Variants in ANKFN1 observed in about 807,000 individuals in gnomAD.
ANKFN1 encodes the protein ankyrin repeat and fibronectin type III domain containing 1, also known as ankyrin repeat and fibronectin type-III domain-containing protein 1.
In ANKFN1, 74 loss-of-function variants were observed where a neutral mutation model predicts 108.7. The observed-to-expected ratio is 0.68, with a 90% confidence interval of 0.56 to 0.83. ANKFN1 has a LOEUF of 0.83. Ranked by LOEUF, ANKFN1 falls within the 40% of genes least tolerant of loss-of-function variation. The probability of loss-of-function intolerance (pLI) is 0.00; values close to 1 mark genes in which losing one functional copy is unlikely to be tolerated. For missense variants in ANKFN1, 1,505 were observed against 1,382.3 expected (o/e 1.09, Z -1.41); for synonymous variants, 547 against 516.2 (o/e 1.06, Z -0.81).
intron 3 of ANKFN1, among the ~76,000 whole-genome samples, chr17:56,306,863 C>G (rs1195531227): frequency 6.6e-6 from 1 of 152,184 alleles, no homozygotes; most frequent in African/African-American, 2.4e-5. Flanking sequence ...CAGCATGGTA[C>G]TGGTACCAAA....
intron 3 of ANKFN1, among the ~76,000 whole-genome samples, chr17:56,303,809 C>T (rs532061180): frequency 2.0e-5 from 3 of 151,268 alleles, no homozygotes; most frequent in Non-Finnish European, 4.4e-5. Context: ...CTCAGCCTCC[C>T]GAGTAGCTGG....
intron 4 of ANKFN1, among the ~76,000 whole-genome samples, chr17:56,066,055 C>G (rs1905054501): frequency 6.6e-6 from 1 of 152,166 alleles, no homozygotes; most frequent in Admixed American, 6.5e-5. Flanking sequence ...AGAACAAAGG[C>G]CAGAACAGCA....
At position 56,493,802 on chromosome 17, in the gene ANKFN1, G is replaced by A. The variant is rs2051114014; in HGVS notation, c.2427+1449G>A. Among the ~76,000 whole-genome samples, 4 of 152,082 alleles carry A rather than the reference G, an allele frequency of 2.6e-5. No individual in the cohort carries two copies. In the South Asian group the frequency reaches 8.3e-4, roughly 31 times the overall value. On this transcript the variant is annotated intron_variant, in intron 19 of 20. Coordinates refer to ENST00000682825, the MANE Select transcript of ANKFN1 (RefSeq NM_001370326.1). ...CAAATAAGGATTTGAGAAGACTAAA[G>A]GCAGAGAAACCAAATAAGAAGCTAT...
At chr17:56,188,593 A>ATG in intron 1 of ANKFN1, among the ~76,000 whole-genome samples, 1 of 121,832 alleles carries the variant, frequency 8.2e-6, no homozygotes, top group South Asian at 2.4e-4. Context: ...ATATATATAT[A>ATG]TATATATATA....
intron 14 of ANKFN1, 31 bp from the exon 15 acceptor site, chr17:56,466,325 T>A (rs2050071247): frequency 6.4e-7 from 1 of 1,574,510 alleles, no homozygotes; most frequent in African/African-American, 1.3e-5. Context: ...CATAATACCC[T>A]CTATGCTACC....
chr17:56,341,500 A>G (rs1207172504), intron 4 of ANKFN1, among the ~76,000 whole-genome samples: 2 of 152,044 alleles, frequency 1.3e-5, no homozygotes, highest in South Asian at 2.1e-4. Flanking sequence ...GTTTATTGAG[A>G]GTTGTTAACA....
chr17:56,296,053 A>C (rs1274711759), intron 3 of ANKFN1, among the ~76,000 whole-genome samples: 1 of 151,918 alleles, frequency 6.6e-6, no homozygotes, highest in Non-Finnish European at 1.5e-5. Flanking sequence ...TATGTACTAA[A>C]TTATGGATTT....
At chr17:56,383,208 A>G (rs2047157877) in intron 8 of ANKFN1, among the ~76,000 whole-genome samples, 1 of 152,198 alleles carries the variant, frequency 6.6e-6, no homozygotes, top group African/African-American at 2.4e-5. Context: ...TGGAAACCGA[A>G]CAACCTGCTC....
intron 8 of ANKFN1, among the ~76,000 whole-genome samples, chr17:56,395,884 C>G (rs1158396221): frequency 6.6e-6 from 1 of 152,028 alleles, no homozygotes; most frequent in Non-Finnish European, 1.5e-5. Flanking sequence ...AGCATGATTC[C>G]CTTCCCTGGA....
chr17:56,316,672 G>C (rs982951258), intron 3 of ANKFN1, among the ~76,000 whole-genome samples: 1 of 152,124 alleles, frequency 6.6e-6, no homozygotes, highest in Non-Finnish European at 1.5e-5. Context: ...ATCTCATTTT[G>C]ACTGGCACTC....
chr17:56,150,864 T>C (rs1174616057), upstream of ANKFN1, among the ~76,000 whole-genome samples: 1 of 151,708 alleles, frequency 6.6e-6, no homozygotes, highest in African/African-American at 2.4e-5. Context: ...TGAGTCAATA[T>C]TGGCAAAGGA....
intron 18 of ANKFN1, among the ~76,000 whole-genome samples, chr17:56,484,525 G>A (rs1050084468): frequency 1.3e-5 from 2 of 152,156 alleles, no homozygotes; most frequent in Non-Finnish European, 2.9e-5. Flanking sequence ...AAGGAAATCA[G>A]AGGGGAAAAA....
intron 4 of ANKFN1, among the ~76,000 whole-genome samples, chr17:56,074,869 C>G (rs2143147874): frequency 1.3e-5 from 2 of 152,268 alleles, no homozygotes; most frequent in African/African-American, 4.8e-5. Flanking sequence ...AAGGGAGAGT[C>G]AGAGCGGAGC....
At chr17:56,466,958 T>A (rs535703899) in intron 15 of ANKFN1, among the ~76,000 whole-genome samples, 26 of 151,478 alleles carry the variant, frequency 1.7e-4, no homozygotes, top group Non-Finnish European at 2.8e-4. Context: ...TACAAAAAAA[T>A]AAATAAATAA....
At chr17:56,413,868 G>A (rs1434739201) in intron 8 of ANKFN1, among the ~76,000 whole-genome samples, 1 of 151,544 alleles carries the variant, frequency 6.6e-6, no homozygotes, top group Non-Finnish European at 1.5e-5. Context: ...TACAGAGATG[G>A]GGTTTCTCCA....
chr17:56,445,283 G>C (rs1227191023), intron 10 of ANKFN1, among the ~76,000 whole-genome samples: 2 of 152,142 alleles, frequency 1.3e-5, no homozygotes, highest in Non-Finnish European at 2.9e-5. Context: ...TGCAAGTTCT[G>C]ATCTGCATAT....
chr17:56,374,744 T>C, intron 8 of ANKFN1, 30 bp downstream of exon 8: 1 of 1,532,800 alleles, frequency 6.5e-7, no homozygotes, highest in Non-Finnish European at 9.0e-7. Flanking sequence ...TTTTCATCAC[T>C]CCTTCTTAAA....
chr17:56,095,608 C>T (rs1024273101), intron 4 of ANKFN1, among the ~76,000 whole-genome samples: 2 of 152,132 alleles, frequency 1.3e-5, no homozygotes, highest in African/African-American at 2.4e-5. Flanking sequence ...GGTCTGAATG[C>T]TTTAATTTGG....
intron 3 of ANKFN1, among the ~76,000 whole-genome samples, chr17:56,280,698 C>T (rs941743036): frequency 6.0e-5 from 9 of 150,676 alleles, no homozygotes; most frequent in African/African-American, 2.0e-4. Context: ...TACAAAATCA[C>T]GGAGTTTTTT....
Sources: allele counts gnomAD v4.1 joint callset (sites outside exome capture counted in the v4.1 genomes callset), GRCh38; gene constraint gnomAD v4.1.1; transcripts MANE v1.5; gene names NCBI Gene and HGNC (gene_info 2026-07-23, HGNC 2026-07-21).